ENPP1: variants seen among roughly 807,000 people sequenced by gnomAD.
ENPP1 encodes the protein ectonucleotide pyrophosphatase/phosphodiesterase family member 1.
ENPP1 carries 73 observed loss-of-function variants against 122.8 expected under a neutral mutation model. The ratio of observed to expected loss-of-function variants is 0.59; its 90% CI spans 0.49 to 0.72. ENPP1 has a LOEUF of 0.72. Among genes scored for constraint, ENPP1 ranks in the 30% least tolerant of loss-of-function variants. The pLI is 0.00. For missense variants in ENPP1, 978 were observed against 1,128.1 expected (o/e 0.87, Z 1.91); for synonymous variants, 367 against 391.6 (o/e 0.94, Z 0.74).
At position 131,879,751 on chromosome 6, in the gene ENPP1, A is replaced by C. The variant is rs1037018622; in HGVS notation, c.1946-129A>C. The C allele has an allele frequency of 4.9e-6, 4 of 810,078 alleles. No homozygotes were observed. In the African/African-American group the frequency reaches 6.9e-5, roughly 14 times the overall value. 50.2% of individuals were successfully genotyped at this position (810,078 alleles called of 1,614,324 possible). On this transcript the variant is annotated intron_variant, in intron 19 of 24. Transcript: ENST00000647893. ...GTTTATGCTTCTACCCTTTGTAATC[A>C]GTTTTTTTAATAGTTAAAAGTAAAT...
At chr6:131,844,506 T>TTGC (rs71030762) in intron 1 of ENPP1, among the ~76,000 whole-genome samples, 36,199 of 152,066 alleles carry the variant, frequency 0.24, 7,345 homozygotes, top group African/African-American at 0.55. Flanking sequence ...AGTTGTGTTG[T>TTGC]TGCTTTGCCT....
At chr6:131,824,334 C>T (rs547713863) in intron 1 of ENPP1, among the ~76,000 whole-genome samples, 2 of 152,116 alleles carry the variant, frequency 1.3e-5, no homozygotes, top group East Asian at 1.9e-4. Context: ...GGAGACAACA[C>T]GGCCCATCCC....
At position 131,850,115 on chromosome 6, in the gene ENPP1, G is replaced by A; in HGVS notation, c.430+9G>A. 6.4e-7 allele frequency: 1 copy of A among 1,561,724 alleles called. No homozygotes were observed. Among genetic ancestry groups the A allele is most frequent in the Non-Finnish European group, 8.8e-7 (1 of 1,132,290 alleles). On this transcript the variant is annotated intron_variant, in intron 3 of 24. Transcript: ENST00000647893. The stretch of plus-strand genomic sequence containing the variant: ...GACGTGCATAGAACCAGGTAAGGAT[G>A]AGCAGGGAAAAAAGTGGAGTTATGG...
intron 12 of ENPP1, among the ~76,000 whole-genome samples, chr6:131,869,112 A>G (rs1157012615): frequency 1.3e-5 from 2 of 152,232 alleles, no homozygotes; most frequent in Non-Finnish European, 2.9e-5. Context: ...CTTTGCTCAC[A>G]TAATGATATT....
At chr6:131,867,149 C>T (rs949828887) in intron 11 of ENPP1, among the ~76,000 whole-genome samples, 2 of 152,198 alleles carry the variant, frequency 1.3e-5, no homozygotes, top group African/African-American at 2.4e-5. Context: ...TATCTTAATA[C>T]TTAAAAATTC....
chr6:131,892,229 ATTATG>A lies in ENPP1; in HGVS notation c.*1724_*1728del, dbSNP rs1782480459. On this transcript the variant is annotated 3_prime_UTR_variant, in exon 25 of 25. Coordinates refer to ENST00000647893, the MANE Select transcript of ENPP1 (RefSeq NM_006208.3). ...TATTGAAACCTGGATATTTTTAGGTATTATGTTATGAGACTATGGGTCTTATTTAA... is the reference window on the plus strand; with the variant it reads ...TATTGAAACCTGGATATTTTTAGGTATTATGAGACTATGGGTCTTATTTAA... 6.6e-6 allele frequency: 1 copy of A among 152,066 alleles called. No individual in the cohort carries two copies. The highest frequency in any genetic ancestry group is 1.5e-5 in the Non-Finnish European group (1 of 68,000). The allele number at this position is 152,066 out of a possible 1,614,324, so 9.4% of individuals were successfully genotyped here. A position where few individuals can be genotyped will look rare whatever the true frequency, so the allele number is the denominator to read the frequency against.
chr6:131,840,407 A>G (rs1781725344), intron 1 of ENPP1, among the ~76,000 whole-genome samples: 1 of 152,266 alleles, frequency 6.6e-6, no homozygotes, highest in Non-Finnish European at 1.5e-5. Flanking sequence ...GAAAATAGGA[A>G]CTAGGCTGTC....
chr6:131,860,548 A>T (rs763517575), intron 8 of ENPP1, 42 bp downstream of exon 8: 4 of 1,437,228 alleles, frequency 2.8e-6, no homozygotes, highest in Non-Finnish European at 3.9e-6. Flanking sequence ...AATTATTCTC[A>T]TCTATTTCAA....
intron 13 of ENPP1, 126 bp downstream of exon 13, chr6:131,869,615 G>C (rs1782134460): frequency 2.3e-6 from 2 of 880,068 alleles, no homozygotes; most frequent in Non-Finnish European, 3.7e-6. Flanking sequence ...GATCACCTGA[G>C]GTCAGGAGTT....
intron 6 of ENPP1, among the ~76,000 whole-genome samples, chr6:131,857,599 A>G (rs1246707019): frequency 6.6e-6 from 1 of 150,512 alleles, no homozygotes; most frequent in African/African-American, 2.5e-5. Flanking sequence ...GAATTGAACA[A>G]TGAGATCACA....
intron 21 of ENPP1, among the ~76,000 whole-genome samples, chr6:131,882,816 C>T (rs937539724): frequency 1.3e-5 from 2 of 151,406 alleles, no homozygotes; most frequent in Admixed American, 6.6e-5. Context: ...ATATGGTAAG[C>T]AGAACACTTC....
At chr6:131,820,839 A>G (rs568378961) in intron 1 of ENPP1, among the ~76,000 whole-genome samples, 1 of 152,300 alleles carries the variant, frequency 6.6e-6, no homozygotes, top group East Asian at 1.9e-4. Flanking sequence ...TCAGGTTTAA[A>G]TCCTGCTACG....
At chr6:131,813,747 T>G (rs79059212) in intron 1 of ENPP1, among the ~76,000 whole-genome samples, 2,355 of 152,276 alleles carry the variant, frequency 0.015, 68 homozygotes, top group African/African-American at 0.054. Context: ...GGAGTAGAAT[T>G]AAGTGCGTTT....
intron 1 of ENPP1, among the ~76,000 whole-genome samples, chr6:131,834,506 T>C (rs1781649442): frequency 6.6e-6 from 1 of 151,204 alleles, no homozygotes; most frequent in Middle Eastern, 3.2e-3. Context: ...ATCTTATGCA[T>C]GTACATATTT....
intron 1 of ENPP1, among the ~76,000 whole-genome samples, chr6:131,814,076 C>T (rs1355326282): frequency 1.3e-5 from 2 of 152,168 alleles, no homozygotes; most frequent in Non-Finnish European, 2.9e-5. Context: ...ATTTATTCTT[C>T]CACTCTGGAA....
intron 24 of ENPP1, among the ~76,000 whole-genome samples, chr6:131,887,584 A>G (rs1485631944): frequency 7.7e-6 from 1 of 129,766 alleles, no homozygotes; most frequent in African/African-American, 3.2e-5. Context: ...TTTGAGACAG[A>G]GTCTCACTTT....
chr6:131,809,541 C>G (rs1781322628), intron 1 of ENPP1, among the ~76,000 whole-genome samples: 1 of 152,168 alleles, frequency 6.6e-6, no homozygotes, highest in African/African-American at 2.4e-5. Context: ...TATAATAACA[C>G]AATATTGATG....
chr6:131,858,557 T>G (rs750329120), intron 6 of ENPP1, 111 bp from the exon 7 acceptor site: 4 of 714,022 alleles, frequency 5.6e-6, no homozygotes, highest in Non-Finnish European at 1.0e-5. Context: ...TTAAAATCCC[T>G]CCTGGGCTAA....
intron 21 of ENPP1, 58 bp from the exon 22 acceptor site, chr6:131,883,636 T>C (rs767473567): frequency 9.0e-6 from 8 of 886,042 alleles, no homozygotes; most frequent in Non-Finnish European, 1.5e-5. Context: ...CATGAGAAAC[T>C]ATAATTTCCT....
Sources: allele counts gnomAD v4.1 joint callset (sites outside exome capture counted in the v4.1 genomes callset), GRCh38; gene constraint gnomAD v4.1.1; transcripts MANE v1.5; gene names NCBI Gene and HGNC (gene_info 2026-07-23, HGNC 2026-07-21).